The following RFX7 variants were observed in gnomAD, a reference collection of about 807,000 sequenced individuals.
RFX7 encodes the protein DNA-binding protein RFX7.
In RFX7, 26 loss-of-function variants were observed where a neutral mutation model predicts 111.8. The observed-to-expected ratio is 0.23, with a 90% CI of 0.17 to 0.32. RFX7 has a LOEUF of 0.32. RFX7 is among the 10% of genes least tolerant of loss of function. The pLI is 1.00. For synonymous variants in RFX7, 624 were observed against 624.4 expected (o/e 1.00, Z 0.01); for missense variants, 1,573 against 1,772.9 (o/e 0.89, Z 2.02).
chr15:56,186,662 C>T (rs1411103119), intron 2 of RFX7, among the ~76,000 whole-genome samples: 3 of 151,608 alleles, frequency 2.0e-5, no homozygotes, highest in Non-Finnish European at 4.4e-5. Context: ...GTATAATATA[C>T]ACACATATCT....
At position 56,237,278 on chromosome 15, in the gene RFX7, GAGA is replaced by G. The variant is rs763065739; in HGVS notation, c.161+5844_161+5846del. Among the ~76,000 whole-genome samples, 2 of 152,178 alleles carry G rather than the reference GAGA, an allele frequency of 1.3e-5. 1 individual carries two copies. Reference sequence around the variant, plus strand: ...TTCCTGGTCCCCTAACTGAATAAAAGAGAAGTTTTATTGCATATTTTTGCTTAG... The same window carrying G: ...TTCCTGGTCCCCTAACTGAATAAAAGAGTTTTATTGCATATTTTTGCTTAG... On this transcript the variant is annotated intron_variant, in intron 2 of 9. Transcript: ENST00000559447.
At position 56,087,453 on chromosome 15, in the gene RFX7, C is replaced by A. The variant is rs768687446; in HGVS notation, c.*5892G>T. 3.5e-5 allele frequency: 16 copies of A among 456,542 alleles called. No homozygotes were observed. The highest frequency in any genetic ancestry group is 7.0e-5 in the Non-Finnish European group (16 of 226,966). The allele number at this position is 456,542 out of a possible 1,614,324, so 28.3% of individuals were successfully genotyped here. ...TTTAACATGAAGTCCAGGAGGGCTGCTTGAGTTCTAGCCATCACATTTGCA... is the reference window on the plus strand; with the variant it reads ...TTTAACATGAAGTCCAGGAGGGCTGATTGAGTTCTAGCCATCACATTTGCA... On this transcript the variant is annotated 3_prime_UTR_variant, in exon 10 of 10. Transcript: ENST00000559447.
At chr15:56,177,764 G>A (rs1253569384) in intron 3 of RFX7, among the ~76,000 whole-genome samples, 1 of 152,018 alleles carries the variant, frequency 6.6e-6, no homozygotes, top group Non-Finnish European at 1.5e-5. Flanking sequence ...CTGTACTCTC[G>A]TACCAAGAAC....
chr15:56,107,047 C>T (rs8029114), intron 5 of RFX7, among the ~76,000 whole-genome samples: 46,094 of 151,850 alleles, frequency 0.3, 7,990 homozygotes, highest in East Asian at 0.41. Context: ...CCCGTAATCC[C>T]ATCACTTTGG....
At chr15:56,190,146 T>C (rs1292961031) in intron 2 of RFX7, among the ~76,000 whole-genome samples, 2 of 152,206 alleles carry the variant, frequency 1.3e-5, no homozygotes. Context: ...AATTAATCCA[T>C]GGTAAAGGAA....
upstream of RFX7, chr15:56,244,398 C>A (rs1458295166): frequency 6.6e-6 from 1 of 152,110 alleles, no homozygotes; most frequent in African/African-American, 2.4e-5. Context: ...GTTGAGTGCT[C>A]CTCGGTCGGG....
At chr15:56,112,976 G>A (rs1359263036) in intron 5 of RFX7, among the ~76,000 whole-genome samples, 1 of 152,170 alleles carries the variant, frequency 6.6e-6, no homozygotes, top group African/African-American at 2.4e-5. Context: ...CGGTCAGAAT[G>A]GCGATTATTA....
At chr15:56,137,600 G>A (rs2042323453) in intron 5 of RFX7, among the ~76,000 whole-genome samples, 1 of 151,938 alleles carries the variant, frequency 6.6e-6, no homozygotes, top group Non-Finnish European at 1.5e-5. Context: ...AGGGTTTTTT[G>A]TGTCTCTATT....
rs987110616 is a variant in RFX7, at chr15:56,095,462, T to C, written c.2266A>G (p.Ile756Val). ...ACACTTCCTTCAAGTTTTACTTTTA[T>C]ATCTGGAGATGATGATGGGGTTGTT... is the stretch of plus-strand genomic sequence containing the variant. ...QQTTPSSSPD[I>V]KVKLEGSVFL... Residue 756 changes from isoleucine (I) to valine (V), a missense_variant, in exon 10 of 10, where the codon ATA becomes GTA. This residue lies in a region of RFX7 where 625 missense variants were observed against 632.2 expected (regional missense o/e 0.99). Coordinates refer to ENST00000559447, the MANE Select transcript of RFX7 (RefSeq NM_022841.7). The C allele has an allele frequency of 1.7e-5, 28 of 1,612,342 alleles. No individual in the cohort carries two copies. In the East Asian group the frequency reaches 6.0e-4, roughly 35 times the overall value.
At chr15:56,171,965 CA>C (rs1434147912) in intron 3 of RFX7, among the ~76,000 whole-genome samples, 1 of 151,996 alleles carries the variant, frequency 6.6e-6, no homozygotes, top group African/African-American at 2.4e-5. Context: ...AGACAAAATG[CA>C]AAGCAACAGA....
intron 5 of RFX7, among the ~76,000 whole-genome samples, chr15:56,108,749 G>A (rs72736483): frequency 6.6e-6 from 1 of 152,296 alleles, no homozygotes; most frequent in Non-Finnish European, 1.5e-5. Flanking sequence ...AAGAGACAAA[G>A]TCAAACTGTC....
intron 2 of RFX7, among the ~76,000 whole-genome samples, chr15:56,216,857 A>G (rs1054143804): frequency 6.6e-6 from 1 of 150,864 alleles, no homozygotes; most frequent in Non-Finnish European, 1.5e-5. Flanking sequence ...GGGTCTCGCT[A>G]TGTTGCCCAG....
At chr15:56,103,178 A>G (rs1403358020) in intron 6 of RFX7, among the ~76,000 whole-genome samples, 7 of 101,178 alleles carry the variant, frequency 6.9e-5, no homozygotes, top group African/African-American at 2.8e-4. Context: ...CTATGTTTCT[A>G]AATTAAAGGA....
At chr15:56,241,410 C>G (rs922171327) in intron 2 of RFX7, among the ~76,000 whole-genome samples, 27 of 152,204 alleles carry the variant, frequency 1.8e-4, no homozygotes, top group Admixed American at 3.9e-4. Flanking sequence ...CCTTTCCCCT[C>G]TTGTTCTCAT....
intron 2 of RFX7, among the ~76,000 whole-genome samples, chr15:56,193,840 AT>A (rs1213112817): frequency 2.0e-5 from 3 of 152,174 alleles, no homozygotes; most frequent in Non-Finnish European, 4.4e-5. Flanking sequence ...AAGCTTTCTT[AT>A]CCAGGGGGGC....
chr15:56,185,200 G>C (rs2043024932), intron 2 of RFX7, among the ~76,000 whole-genome samples: 1 of 151,962 alleles, frequency 6.6e-6, no homozygotes, highest in Admixed American at 6.6e-5. Flanking sequence ...TTGTAACTTA[G>C]TATTTGATGT....
chr15:56,115,062 G>C (rs531445904), intron 5 of RFX7, among the ~76,000 whole-genome samples: 1 of 152,130 alleles, frequency 6.6e-6, no homozygotes, highest in African/African-American at 2.4e-5. Context: ...CCAGCCTTGA[G>C]TGCAATGGCG....
intron 5 of RFX7, among the ~76,000 whole-genome samples, chr15:56,110,266 T>TGGG (rs1260734555): frequency 2.0e-4 from 3 of 14,684 alleles, no homozygotes; most frequent in African/African-American, 8.2e-4. Context: ...GGGAGGGAGG[T>TGGG]GGGGGGGGGT....
At chr15:56,163,667 A>G (rs772637459) in intron 3 of RFX7, among the ~76,000 whole-genome samples, 2 of 152,202 alleles carry the variant, frequency 1.3e-5, no homozygotes, top group African/African-American at 2.4e-5. Context: ...GTCTCACAGG[A>G]AAGTGAGAAG....
Sources: allele counts gnomAD v4.1 joint callset (sites outside exome capture counted in the v4.1 genomes callset), GRCh38; gene constraint gnomAD v4.1.1; regional missense constraint gnomAD v4.1.1; transcripts MANE v1.5; gene names NCBI Gene and HGNC (gene_info 2026-07-23, HGNC 2026-07-21).